RAB10: variants seen among roughly 807,000 people sequenced by gnomAD.
The protein encoded by RAB10 is RAB10, member RAS oncogene family.
In RAB10, 5 loss-of-function variants were observed where a neutral mutation model predicts 25.7. That is an observed-to-expected ratio of 0.19 (90% confidence interval 0.10 to 0.41). The LOEUF is 0.41. RAB10 is among the 10% of genes least tolerant of loss of function. RAB10 has a pLI of 1.00. For synonymous variants in RAB10, 89 were observed against 86.4 expected, an observed-to-expected ratio of 1.03 and a Z score of -0.16; for missense variants, 103 against 245.8, an observed-to-expected ratio of 0.42 and a Z score of 3.89.
chr2:26,079,704 C>T (rs926090888), intron 1 of RAB10, among the ~76,000 whole-genome samples: 1 of 149,936 alleles, frequency 6.7e-6, no homozygotes, highest in Non-Finnish European at 1.5e-5. Context: ...CTCACTCTGT[C>T]ACCCAGGCTG....
At chr2:26,068,608 G>C (rs1197241799) in intron 1 of RAB10, among the ~76,000 whole-genome samples, 1 of 152,084 alleles carries the variant, frequency 6.6e-6, no homozygotes, top group Non-Finnish European at 1.5e-5. Flanking sequence ...TGAGCCAAGA[G>C]ACAGAGTTCT....
rs190177954 is a variant in RAB10 at position 26,054,740 on chromosome 2, C to A, written c.127+20005C>A. The stretch of plus-strand genomic sequence containing the variant: ...AATCCCCTTAGATCTTCCAGATTCA[C>A]CAGTTGTCAGCATTTTGCTACATTT... On this transcript the variant is annotated intron_variant, in intron 1 of 5. Coordinates refer to ENST00000264710, the MANE Select transcript of RAB10 (RefSeq NM_016131.5). 2.0e-5 allele frequency among the ~76,000 whole-genome samples: 3 copies of A among 152,280 alleles called. No individual in the cohort carries two copies. The East Asian group carries it at 5.8e-4, about 29-fold the overall frequency.
rs937155931 is a variant in RAB10 at position 26,100,615 on chromosome 2, A to G, written c.188+1893A>G. 6.6e-5 allele frequency among the ~76,000 whole-genome samples: 10 copies of G among 152,232 alleles called. No individual in the cohort carries two copies. In the South Asian group the frequency reaches 2.1e-3, roughly 32 times the overall value. On this transcript the variant is annotated intron_variant, in intron 2 of 5. Transcript: ENST00000264710. ...TTTTGGTCTGGGCACTGACAAAACC[A>G]GTACAGGCCAGAGGCATATCAATCT...
rs1033954055 is a variant in RAB10 at position 26,124,224 on chromosome 2, A to G, written c.328-2920A>G. ...AGTGTTTGGGGAGTAAAAGTTATAC[A>G]TGGTATACCCTTACCCCCATTGTTC... On this transcript the variant is annotated intron_variant, in intron 3 of 5. Transcript: ENST00000264710. Among the ~76,000 whole-genome samples, 18 of 151,820 alleles carry G rather than the reference A, an allele frequency of 1.2e-4. 1 individual carries two copies. Among genetic ancestry groups the G allele is most frequent in the Admixed American group, 1.3e-4 (2 of 15,216 alleles).
chr2:26,126,163 C>G (rs1667899517), intron 3 of RAB10, among the ~76,000 whole-genome samples: 1 of 152,182 alleles, frequency 6.6e-6, no homozygotes. Context: ...GGTCATTTGA[C>G]TAAGTATGTG....
intron 1 of RAB10, among the ~76,000 whole-genome samples, chr2:26,061,025 T>C (rs1666382302): frequency 6.6e-6 from 1 of 151,186 alleles, no homozygotes; most frequent in Non-Finnish European, 1.5e-5. Flanking sequence ...CTTGATTTGC[T>C]TCTTTAAAAA....
At chr2:26,109,059 G>C (rs1319815152) in intron 2 of RAB10, among the ~76,000 whole-genome samples, 1 of 151,808 alleles carries the variant, frequency 6.6e-6, no homozygotes, top group South Asian at 2.1e-4. Context: ...TTACAGGCAC[G>C]TGCCACCATG....
Position 26,136,490 on chromosome 2 carries a change from A to G in RAB10, c.*1469A>G, listed in dbSNP as rs1668116443. The G allele has an allele frequency of 1.3e-5, 2 of 152,652 alleles. No homozygotes were observed. Among genetic ancestry groups the G allele is most frequent in the African/African-American group, 4.8e-5 (2 of 41,464 alleles). The allele number at this position is 152,652 out of a possible 1,614,324, so 9.5% of individuals were successfully genotyped here. A position where few individuals can be genotyped will look rare whatever the true frequency, so the allele number is the denominator to read the frequency against. Reference sequence around the variant, plus strand: ...GAAAGGCTTTTCATGTAAAGATAAGATCTTTAGCTATCTCTAACCCTGTCC... The same window carrying G: ...GAAAGGCTTTTCATGTAAAGATAAGGTCTTTAGCTATCTCTAACCCTGTCC... On this transcript the variant is annotated 3_prime_UTR_variant, in exon 6 of 6. Transcript: ENST00000264710.
intron 3 of RAB10, among the ~76,000 whole-genome samples, chr2:26,126,941 T>G (rs565993161): frequency 6.6e-6 from 1 of 152,344 alleles, no homozygotes; most frequent in Admixed American, 6.5e-5. Flanking sequence ...TTGACATGGA[T>G]ATGTCTTGGG....
chr2:26,105,169 T>C (rs1667440783), intron 2 of RAB10, among the ~76,000 whole-genome samples: 1 of 152,212 alleles, frequency 6.6e-6, no homozygotes, highest in Non-Finnish European at 1.5e-5. Context: ...ATTAGAAGTT[T>C]TAAGCAGAAT....
chr2:26,056,720 C>T (rs1001024189), intron 1 of RAB10, among the ~76,000 whole-genome samples: 4 of 152,098 alleles, frequency 2.6e-5, no homozygotes, highest in Non-Finnish European at 4.4e-5. Flanking sequence ...CTTGAACTCT[C>T]GGGCTCAAGC....
intron 3 of RAB10, 34 bp downstream of exon 3, chr2:26,109,940 A>G (rs1456896164): frequency 1.3e-6 from 2 of 1,520,774 alleles, no homozygotes; most frequent in East Asian, 2.4e-5. Context: ...CCCTTCATGA[A>G]CACACATTTG....
chr2:26,055,373 C>T (rs1014550715), intron 1 of RAB10, among the ~76,000 whole-genome samples: 2 of 151,024 alleles, frequency 1.3e-5, no homozygotes, highest in Non-Finnish European at 2.9e-5. Flanking sequence ...TACAGGCATG[C>T]GACACCACAC....
At chr2:26,037,603 C>T (rs796460466) in intron 1 of RAB10, among the ~76,000 whole-genome samples, 9 of 151,638 alleles carry the variant, frequency 5.9e-5, no homozygotes, top group African/African-American at 1.7e-4. Flanking sequence ...CGTGCCATTG[C>T]ACTCCAGCCT....
At chr2:26,084,974 T>C (rs538342707) in intron 1 of RAB10, among the ~76,000 whole-genome samples, 4 of 152,364 alleles carry the variant, frequency 2.6e-5, no homozygotes, top group African/African-American at 9.6e-5. Flanking sequence ...GAAATGCTTG[T>C]ATTATCCCCA....
chr2:26,036,537 T>C (rs1002802665), intron 1 of RAB10, among the ~76,000 whole-genome samples: 2 of 151,822 alleles, frequency 1.3e-5, no homozygotes, highest in African/African-American at 2.4e-5. Context: ...CAGGCACCTG[T>C]AGTCCCAGCT....
intron 1 of RAB10, among the ~76,000 whole-genome samples, chr2:26,070,451 G>A (rs558052575): frequency 1.3e-5 from 2 of 151,998 alleles, no homozygotes; most frequent in South Asian, 2.1e-4. Flanking sequence ...TTTTATTCTC[G>A]GAATTGAGTT....
chr2:26,039,884 T>C (rs1450164970), intron 1 of RAB10, among the ~76,000 whole-genome samples: 2 of 151,998 alleles, frequency 1.3e-5, no homozygotes, highest in Non-Finnish European at 2.9e-5. Context: ...ATATTTCACA[T>C]TCTTTTTCTC....
At chr2:26,133,091 G>A (rs1207475249) in intron 5 of RAB10, among the ~76,000 whole-genome samples, 1 of 152,140 alleles carries the variant, frequency 6.6e-6, no homozygotes, top group Non-Finnish European at 1.5e-5. Context: ...GAGTAAGTAG[G>A]AGAGCTCTAA....
Sources: allele counts gnomAD v4.1 joint callset (sites outside exome capture counted in the v4.1 genomes callset), GRCh38; gene constraint gnomAD v4.1.1; transcripts MANE v1.5; gene names NCBI Gene and HGNC (gene_info 2026-07-23, HGNC 2026-07-21).